CCDC32: variants seen among roughly 807,000 people sequenced by gnomAD.
CCDC32 encodes coiled-coil domain-containing protein 32.
A neutral mutation model predicts 20.1 loss-of-function variants in CCDC32; 9 were observed. The ratio of observed to expected loss-of-function variants is 0.45; its 90% confidence interval spans 0.27 to 0.78. CCDC32 has a LOEUF of 0.78. CCDC32 is among the 30% of genes least tolerant of loss of function. The pLI is 0.16. For missense variants in CCDC32, 204 were observed against 215.5 expected (o/e 0.95, Z 0.33); for synonymous variants, 63 against 79.0 (o/e 0.80, Z 1.07).
At chr15:40,522,436 C>T in the CCDC32 span, among the ~76,000 whole-genome samples, 1 of 152,104 alleles carries the variant, frequency 6.6e-6, no homozygotes, top group African/African-American at 2.4e-5. Flanking sequence ...TTTGGCTATT[C>T]TGGATTCCTG....
At position 40,553,905 on chromosome 15, in the gene CCDC32, C is replaced by CGT. The variant is rs60438611; in HGVS notation, c.*64_*65dup. On this transcript the variant is annotated 3_prime_UTR_variant, in exon 4 of 4. Transcript: ENST00000416810. Reference sequence around the variant, plus strand: ...CTCTGGACCCGAGACAGCTGCTCGGCGTGTGTGTGTGTGTGTGTGTGTGTG... The same window carrying CGT: ...CTCTGGACCCGAGACAGCTGCTCGGCGTGTGTGTGTGTGTGTGTGTGTGTGTG... 1,066 of 1,434,736 alleles carry CGT rather than the reference C, an allele frequency of 7.4e-4. 14 individuals are homozygous for CGT. Among genetic ancestry groups the CGT allele is most frequent in the East Asian group, 7.2e-3 (218 of 30,116 alleles). The allele number at this position is 1,434,736 out of a possible 1,614,324, so 88.9% of individuals were successfully genotyped here.
At chr15:40,532,714 CTTTTTTTTTT>C (rs1189285245), downstream of CCDC32, among the ~76,000 whole-genome samples, 30 of 91,486 alleles carry the variant, frequency 3.3e-4, no homozygotes, top group African/African-American at 1.2e-3. Context: ...TGTTTTCTTT[CTTTTTTTTTT>C]TTTTTTTTTT....
chr15:40,522,664 G>C, the CCDC32 span, among the ~76,000 whole-genome samples: 1 of 152,130 alleles, frequency 6.6e-6, no homozygotes, highest in East Asian at 1.9e-4. Context: ...TTAAATATCA[G>C]ATGGTTCTAG....
chr15:40,551,033 ATTG>A (rs571608063), downstream of CCDC32, among the ~76,000 whole-genome samples: 9 of 152,156 alleles, frequency 5.9e-5, 1 homozygote, highest in East Asian at 1.7e-3. Flanking sequence ...AGGAAGAATA[ATTG>A]TTGTTTGTTT....
chr15:40,561,319 A>C (rs1253823541), intron 2 of CCDC32, among the ~76,000 whole-genome samples: 5 of 152,120 alleles, frequency 3.3e-5, no homozygotes, highest in Admixed American at 6.5e-5. Flanking sequence ...CTGAAAATAC[A>C]AAAATGAGCC....
intron 1 of CCDC32, 160 bp downstream of exon 1, chr15:40,564,816 G>T (rs995092268): frequency 1.2e-6 from 2 of 1,614,016 alleles, no homozygotes; most frequent in African/African-American, 2.7e-5. Flanking sequence ...CCAGAACCAC[G>T]CAGGAAATTC....
exon 4 of CCDC32, chr15:40,539,323 C>T (rs540016194): frequency 6.5e-7 from 1 of 1,535,630 alleles, no homozygotes; most frequent in Admixed American, 2.0e-5. Flanking sequence ...CTCAGAAAAG[C>T]TGCTGCTGCC....
downstream of CCDC32, chr15:40,535,193 G>A (rs1353329249): frequency 4.5e-6 from 6 of 1,346,256 alleles, no homozygotes; most frequent in Non-Finnish European, 5.9e-6. Flanking sequence ...GAATGGAATG[G>A]GGGAGAATGC....
chr15:40,521,262 T>C, the CCDC32 span, among the ~76,000 whole-genome samples: 18 of 152,196 alleles, frequency 1.2e-4, no homozygotes, highest in Middle Eastern at 3.2e-3. Context: ...ATTTCCCCTA[T>C]ATATTTGCAT....
intron 2 of CCDC32, among the ~76,000 whole-genome samples, chr15:40,559,072 C>G (rs1259873006): frequency 1.3e-5 from 2 of 150,884 alleles, no homozygotes; most frequent in Non-Finnish European, 3.0e-5. Context: ...CCAAATTGCT[C>G]TCTCTCTTTC....
At chr15:40,521,557 C>T in the CCDC32 span, among the ~76,000 whole-genome samples, 2 of 152,206 alleles carry the variant, frequency 1.3e-5, no homozygotes, top group Non-Finnish European at 2.9e-5. Context: ...ATTGCTGCAT[C>T]ATATGACTGT....
At chr15:40,544,812 C>T (rs925683970) in intron 3 of CCDC32, among the ~76,000 whole-genome samples, 1 of 152,042 alleles carries the variant, frequency 6.6e-6, no homozygotes, top group Non-Finnish European at 1.5e-5. Flanking sequence ...CTAATAAATA[C>T]TCTGTTCTTC....
At chr15:40,537,449 G>A (rs185103307), downstream of CCDC32, 5 of 152,384 alleles carry the variant, frequency 3.3e-5, no homozygotes, top group South Asian at 6.2e-4. Flanking sequence ...TGGGACCATC[G>A]GGGCACTAGC....
chr15:40,564,174 T>C (rs549970064), intron 1 of CCDC32, among the ~76,000 whole-genome samples: 52 of 152,310 alleles, frequency 3.4e-4, no homozygotes, highest in Admixed American at 6.5e-4. Flanking sequence ...CAGTTCCATA[T>C]ACATGAAGAT....
chr15:40,548,627 T>C (rs1889717411), downstream of CCDC32, among the ~76,000 whole-genome samples: 3 of 152,144 alleles, frequency 2.0e-5, no homozygotes, highest in Non-Finnish European at 4.4e-5. Context: ...CTTACTTATA[T>C]GTCTGATGCC....
downstream of CCDC32, among the ~76,000 whole-genome samples, chr15:40,550,714 G>T (rs1262222719): frequency 1.3e-5 from 2 of 152,156 alleles, no homozygotes; most frequent in Non-Finnish European, 2.9e-5. Context: ...ACAACTCACT[G>T]GGTTCCCTTC....
downstream of CCDC32, among the ~76,000 whole-genome samples, chr15:40,550,974 G>A (rs1889829985): frequency 3.3e-5 from 5 of 152,198 alleles, no homozygotes; most frequent in Admixed American, 6.5e-5. Context: ...CACTTTGGGA[G>A]AGTGTTTTGG....
chr15:40,525,033 GTTC>G (rs1894883693), downstream of CCDC32, among the ~76,000 whole-genome samples: 1 of 149,306 alleles, frequency 6.7e-6, no homozygotes, highest in African/African-American at 2.5e-5. Flanking sequence ...CAGCCAAGCT[GTTC>G]TTTTTTTTTT....
downstream of CCDC32, among the ~76,000 whole-genome samples, chr15:40,551,779 C>A (rs912731223): frequency 3.1e-4 from 45 of 144,298 alleles, no homozygotes; most frequent in Admixed American, 3.0e-3. Context: ...TGCCCTCCAG[C>A]CCTCCTGGTG....
Sources: allele counts gnomAD v4.1 joint callset (sites outside exome capture counted in the v4.1 genomes callset), GRCh38; gene constraint gnomAD v4.1.1; transcripts MANE v1.5; gene names NCBI Gene and HGNC (gene_info 2026-07-23, HGNC 2026-07-21).